CDKAL1: variants seen among roughly 807,000 people sequenced by gnomAD.
CDKAL1 encodes CDKAL1 threonylcarbamoyladenosine tRNA methylthiotransferase, also known as threonylcarbamoyladenosine tRNA methylthiotransferase.
A neutral mutation model predicts 68.2 loss-of-function variants in CDKAL1; 32 were observed. That is an observed-to-expected ratio of 0.47 (90% CI 0.35 to 0.63). CDKAL1 has a LOEUF of 0.63. Ranked by LOEUF, CDKAL1 falls within the 30% of genes least tolerant of loss-of-function variation. The pLI is 0.00. For synonymous variants in CDKAL1, 234 were observed against 244.3 expected (o/e 0.96, Z 0.39); for missense variants, 606 against 696.7 (o/e 0.87, Z 1.47).
intron 9 of CDKAL1, among the ~76,000 whole-genome samples, chr6:20,922,953 A>T (rs1763023064): frequency 6.6e-6 from 1 of 152,240 alleles, no homozygotes; most frequent in African/African-American, 2.4e-5. Flanking sequence ...AATTAGTCAT[A>T]AGAGTATTTA....
intron 15 of CDKAL1, among the ~76,000 whole-genome samples, chr6:21,207,221 AT>A (rs34085972): frequency 0.22 from 32,779 of 149,204 alleles, 4,203 homozygotes; most frequent in African/African-American, 0.36. Context: ...CCTACTTTAA[AT>A]TTTTTTTTTT....
At chr6:20,730,322 A>AAAAG (rs775788514) in intron 5 of CDKAL1, among the ~76,000 whole-genome samples, 112 of 151,650 alleles carry the variant, frequency 7.4e-4, no homozygotes, top group Non-Finnish European at 1.3e-3. Flanking sequence ...GAAAGAAAAG[A>AAAAG]AAAGAAAGAA....
At chr6:21,143,076 A>G (rs1381292463) in intron 13 of CDKAL1, among the ~76,000 whole-genome samples, 1 of 152,250 alleles carries the variant, frequency 6.6e-6, no homozygotes, top group African/African-American at 2.4e-5. Context: ...CCAAATAATC[A>G]TTCTATCAGG....
intron 4 of CDKAL1, among the ~76,000 whole-genome samples, chr6:20,602,175 A>C (rs1268903271): frequency 6.6e-6 from 1 of 152,184 alleles, no homozygotes; most frequent in Admixed American, 6.5e-5. Flanking sequence ...TAGGTGAAGT[A>C]ATTTGCTAAA....
chr6:20,893,653 T>A (rs896781027), intron 9 of CDKAL1, among the ~76,000 whole-genome samples: 5 of 152,226 alleles, frequency 3.3e-5, no homozygotes, highest in African/African-American at 1.2e-4. Context: ...GAAGCAACTA[T>A]TCTACTATTT....
chr6:20,871,025 C>G (rs1760183861), intron 9 of CDKAL1, among the ~76,000 whole-genome samples: 1 of 152,152 alleles, frequency 6.6e-6, no homozygotes, highest in South Asian at 2.1e-4. Context: ...GCGCATTCCT[C>G]AAGGGCAAGG....
intron 5 of CDKAL1, among the ~76,000 whole-genome samples, chr6:20,725,351 A>G (rs1045556030): frequency 3.7e-4 from 57 of 152,340 alleles, no homozygotes; most frequent in African/African-American, 1.3e-3. Context: ...GGAGCACTTT[A>G]CCTTGCTTAA....
chr6:21,016,657 CATCCATCCATCCATCT>C (rs1392873587), intron 11 of CDKAL1, among the ~76,000 whole-genome samples: 2 of 141,264 alleles, frequency 1.4e-5, no homozygotes, highest in African/African-American at 2.5e-5. Flanking sequence ...TCCATCCATC[CATCCATCCATCCATCT>C]TACTTCAGTG....
At chr6:20,560,202 T>G (rs1764213265) in intron 4 of CDKAL1, among the ~76,000 whole-genome samples, 1 of 152,240 alleles carries the variant, frequency 6.6e-6, no homozygotes, top group Non-Finnish European at 1.5e-5. Context: ...TCTAATGCAA[T>G]TATTAGGCGT....
At chr6:20,976,987 A>C (rs1343878452) in intron 10 of CDKAL1, among the ~76,000 whole-genome samples, 1 of 152,174 alleles carries the variant, frequency 6.6e-6, no homozygotes, top group Non-Finnish European at 1.5e-5. Flanking sequence ...TGGCAGACAT[A>C]ATACACTCAT....
At chr6:20,712,626 T>C (rs1771899804) in intron 5 of CDKAL1, among the ~76,000 whole-genome samples, 1 of 152,016 alleles carries the variant, frequency 6.6e-6, no homozygotes, top group Non-Finnish European at 1.5e-5. Context: ...AAAATGATTG[T>C]TGTTTTTCAA....
At chr6:20,563,225 C>T (rs927607493) in intron 4 of CDKAL1, among the ~76,000 whole-genome samples, 6 of 151,958 alleles carry the variant, frequency 3.9e-5, no homozygotes, top group Admixed American at 2.0e-4. Flanking sequence ...TTTTTTTTCT[C>T]TCCATGAGGA....
intron 9 of CDKAL1, among the ~76,000 whole-genome samples, chr6:20,855,638 T>G (rs1336820212): frequency 2.0e-5 from 3 of 152,114 alleles, no homozygotes; most frequent in East Asian, 1.9e-4. Context: ...CTTAGGGGTT[T>G]GTACACCATA....
Position 20,795,512 on chromosome 6 carries a change from A to C in CDKAL1, c.638+14247A>C, listed in dbSNP as rs555629126. Among the ~76,000 whole-genome samples the C allele has an allele frequency of 4.6e-5, 7 of 152,274 alleles. No individual in the cohort carries two copies. The East Asian group carries it at 1.4e-3, about 29-fold the overall frequency. ...TTCTGCAGTGCATAATTCTCTTGGA[A>C]TAGTGGTTGAGAAAGGCTGATTTAT... On this transcript the variant is annotated intron_variant, in intron 8 of 15. Coordinates refer to ENST00000274695, the MANE Select transcript of CDKAL1 (RefSeq NM_017774.3).
At chr6:21,016,660 C>CCATCCATT (rs1768355862) in intron 11 of CDKAL1, among the ~76,000 whole-genome samples, 1 of 151,786 alleles carries the variant, frequency 6.6e-6, no homozygotes, top group African/African-American at 2.4e-5. Flanking sequence ...ATCCATCCAT[C>CCATCCATT]CATCCATCCA....
chr6:21,077,890 A>G (rs568873434), intron 12 of CDKAL1, among the ~76,000 whole-genome samples: 23 of 152,312 alleles, frequency 1.5e-4, no homozygotes, highest in African/African-American at 2.6e-4. Flanking sequence ...AGTGGGGTCA[A>G]TGTAATCACA....
intron 4 of CDKAL1, among the ~76,000 whole-genome samples, chr6:20,612,122 A>G (rs1490590885): frequency 2.0e-5 from 3 of 152,270 alleles, no homozygotes; most frequent in African/African-American, 7.2e-5. Flanking sequence ...CATTGTATAT[A>G]TGTACCACAT....
chr6:20,597,368 TC>T (rs1765877925), intron 4 of CDKAL1, among the ~76,000 whole-genome samples: 1 of 152,114 alleles, frequency 6.6e-6, no homozygotes, highest in Non-Finnish European at 1.5e-5. Flanking sequence ...GATCTCACGA[TC>T]CGCCCACCTC....
chr6:20,593,615 A>C (rs1321184728), intron 4 of CDKAL1, among the ~76,000 whole-genome samples: 1 of 128,790 alleles, frequency 7.8e-6, no homozygotes, highest in East Asian at 2.1e-4. Flanking sequence ...TAAAAAAAAA[A>C]AAAGAAACCC....
Sources: gnomAD v4.1 joint callset for allele counts (sites outside exome capture counted in the v4.1 genomes callset) on GRCh38, gnomAD v4.1.1 for gene constraint, MANE v1.5 for transcripts, NCBI Gene and HGNC (gene_info 2026-07-23, HGNC 2026-07-21) for gene names.